Variants in ERCC6L2 observed in about 807,000 individuals in gnomAD.
ERCC6L2 encodes the protein DNA excision repair protein ERCC-6-like 2.
ERCC6L2 carries 77 observed loss-of-function variants against 132.0 expected under a neutral mutation model. The ratio of observed to expected loss-of-function variants is 0.58; its 90% CI spans 0.49 to 0.71. The LOEUF (loss-of-function observed/expected upper bound fraction) is 0.71. Ranked by LOEUF, ERCC6L2 falls within the 30% of genes least tolerant of loss-of-function variation. The pLI is 0.00. For synonymous variants in ERCC6L2, 583 were observed against 632.4 expected, an observed-to-expected ratio of 0.92 and a Z score of 1.17; for missense variants, 1,542 against 1,837.6, an observed-to-expected ratio of 0.84 and a Z score of 2.94.
intron 2 of ERCC6L2, among the ~76,000 whole-genome samples, chr9:95,894,656 G>A (rs956992229): frequency 7.1e-6 from 1 of 140,616 alleles, no homozygotes; most frequent in African/African-American, 2.7e-5. Flanking sequence ...GTGCAATGGC[G>A]TGATCTTGGC....
At position 96,013,410 on chromosome 9, in the gene ERCC6L2, A is replaced by G. The variant is rs1834102623; in HGVS notation, c.*207A>G. 2.9e-6 allele frequency: 1 copy of G among 339,942 alleles called. No individual in the cohort carries two copies. Among genetic ancestry groups the G allele is most frequent in the South Asian group, 3.4e-5 (1 of 29,528 alleles). 21.1% of individuals were successfully genotyped at this position (339,942 alleles called of 1,614,324 possible). A position where few individuals can be genotyped will look rare whatever the true frequency, so the allele number is the denominator to read the frequency against. ...ATCTTTCAAGAATATGATTGTATTT[A>G]TAGTATAAACCTCTGTTATGAATTA... On this transcript the variant is annotated 3_prime_UTR_variant, in exon 19 of 19. Transcript: ENST00000653738.
chr9:95,984,158 T>TA (rs1392687711), intron 17 of ERCC6L2, among the ~76,000 whole-genome samples: 7 of 149,918 alleles, frequency 4.7e-5, no homozygotes, highest in Non-Finnish European at 1.0e-4. Flanking sequence ...CATATATACA[T>TA]ATAATGTATA....
chr9:95,953,463 C>T (rs561683406), intron 12 of ERCC6L2, among the ~76,000 whole-genome samples: 27 of 151,758 alleles, frequency 1.8e-4, no homozygotes, highest in South Asian at 1.3e-3. Context: ...GTAGTCCCAG[C>T]TACTTGGGAG....
intron 2 of ERCC6L2, among the ~76,000 whole-genome samples, chr9:95,897,121 T>C (rs927651159): frequency 4.9e-4 from 75 of 152,214 alleles, no homozygotes; most frequent in African/African-American, 1.7e-3. Context: ...ATACCTCATA[T>C]ACCTTTCTTC....
At chr9:95,992,151 C>T (rs962072307) in intron 17 of ERCC6L2, among the ~76,000 whole-genome samples, 3 of 152,106 alleles carry the variant, frequency 2.0e-5, no homozygotes, top group African/African-American at 7.2e-5. Flanking sequence ...TAAAACATAG[C>T]CACGCTTCTC....
chr9:95,920,209 GACTTCCTTTTC>G (rs1416668361), intron 6 of ERCC6L2, among the ~76,000 whole-genome samples: 1 of 152,034 alleles, frequency 6.6e-6, no homozygotes, highest in Non-Finnish European at 1.5e-5. Flanking sequence ...TGCCTCCCTT[GACTTCCTTTTC>G]ACTTCCTTCA....
intron 3 of ERCC6L2, among the ~76,000 whole-genome samples, chr9:95,899,600 ATGTGTGTGTGTG>A (rs56991965): frequency 2.2e-5 from 3 of 134,820 alleles, no homozygotes; most frequent in African/African-American, 5.8e-5. Flanking sequence ...TTATATATAT[ATGTGTGTGTGTG>A]TGTGTGTGTG....
In ERCC6L2 at chr9:95,923,150, TA is replaced by T. The variant is rs1829950037; in HGVS notation, c.1414-107del. Reference sequence around the variant, plus strand: ...TCTGACTTAGGGAAGCAAAAATCTTTAAAGTAATACATTCTTTCTAAAAAGA... The same window carrying T: ...TCTGACTTAGGGAAGCAAAAATCTTTAAGTAATACATTCTTTCTAAAAAGA... On this transcript the variant is annotated intron_variant, in intron 8 of 18. Transcript: ENST00000653738. 3 of 1,330,262 alleles carry T rather than the reference TA, an allele frequency of 2.3e-6. No homozygotes were observed. In the Admixed American group the frequency reaches 7.2e-5, roughly 32 times the overall value. 82.4% of individuals were successfully genotyped at this position (1,330,262 alleles called of 1,614,324 possible).
intron 12 of ERCC6L2, among the ~76,000 whole-genome samples, chr9:95,952,294 C>T (rs1375040326): frequency 1.3e-5 from 2 of 151,282 alleles, no homozygotes; most frequent in Admixed American, 1.3e-4. Context: ...ATCAAAGACT[C>T]TACAAGAAAG....
intron 12 of ERCC6L2, among the ~76,000 whole-genome samples, chr9:95,955,129 A>G (rs140983784): frequency 1.7e-3 from 258 of 152,290 alleles, no homozygotes; most frequent in African/African-American, 5.9e-3. Flanking sequence ...GAATAGACCT[A>G]TAGTTAAACC....
chr9:96,031,774 C>T (rs946570731), intron 19 of ERCC6L2, among the ~76,000 whole-genome samples: 7 of 152,186 alleles, frequency 4.6e-5, no homozygotes, highest in Non-Finnish European at 8.8e-5. Context: ...AGTTCAGCTT[C>T]CCAGGAACAC....
At chr9:95,970,097 T>C (rs1429764847) in intron 14 of ERCC6L2, among the ~76,000 whole-genome samples, 1 of 152,166 alleles carries the variant, frequency 6.6e-6, no homozygotes, top group East Asian at 1.9e-4. Context: ...TGATGTCTCC[T>C]ACACCTAAGG....
chr9:95,894,511 T>A (rs1353812296), intron 2 of ERCC6L2, among the ~76,000 whole-genome samples: 7 of 151,454 alleles, frequency 4.6e-5, no homozygotes, highest in Non-Finnish European at 1.0e-4. Flanking sequence ...TGTATTGTGA[T>A]CAAAGAACAT....
chr9:95,890,900 C>T (rs1828124721), intron 2 of ERCC6L2, among the ~76,000 whole-genome samples: 2 of 152,206 alleles, frequency 1.3e-5, no homozygotes, highest in Non-Finnish European at 2.9e-5. Flanking sequence ...AACTCCTGAG[C>T]TTGCCCGCTT....
At chr9:95,905,714 G>A (rs960795776) in intron 3 of ERCC6L2, among the ~76,000 whole-genome samples, 7 of 152,136 alleles carry the variant, frequency 4.6e-5, no homozygotes, top group African/African-American at 1.2e-4. Flanking sequence ...GAACTCTCAC[G>A]TTCAGCATGT....
intron 3 of ERCC6L2, among the ~76,000 whole-genome samples, chr9:95,901,473 T>A (rs1828773884): frequency 6.6e-6 from 1 of 152,250 alleles, no homozygotes; most frequent in African/African-American, 2.4e-5. Context: ...TTCTTAAAAT[T>A]ACTTGGCCAT....
At chr9:95,889,022 G>A (rs930777811) in intron 2 of ERCC6L2, among the ~76,000 whole-genome samples, 3 of 152,096 alleles carry the variant, frequency 2.0e-5, no homozygotes, top group Non-Finnish European at 4.4e-5. Context: ...GATAAGTAGT[G>A]TTAAGAGGTA....
chr9:95,986,301 A>G (rs910058123), intron 17 of ERCC6L2, among the ~76,000 whole-genome samples: 2 of 152,178 alleles, frequency 1.3e-5, no homozygotes, highest in Non-Finnish European at 2.9e-5. Flanking sequence ...AGGCATTTTC[A>G]GGTGTGACAG....
rs953616116 is a variant in ERCC6L2, at chr9:95,953,265, G to A, written c.1848-2649G>A. Among the ~76,000 whole-genome samples the A allele has an allele frequency of 5.3e-5, 8 of 152,238 alleles. No individual in the cohort carries two copies. The East Asian group carries it at 1.5e-3, about 29-fold the overall frequency. ...GCCACAATAAGAGGAAATCAAGAGA[G>A]AAAAATTTGCTATTTAGAAACAACA... is the stretch of plus-strand genomic sequence containing the variant. On this transcript the variant is annotated intron_variant, in intron 12 of 18. Coordinates refer to ENST00000653738, the MANE Select transcript of ERCC6L2 (RefSeq NM_020207.7).
Sources: allele counts gnomAD v4.1 joint callset (sites outside exome capture counted in the v4.1 genomes callset), GRCh38; gene constraint gnomAD v4.1.1; transcripts MANE v1.5; gene names NCBI Gene and HGNC (gene_info 2026-07-23, HGNC 2026-07-21).